Variants in PCDHGC3 observed in about 807,000 individuals in gnomAD.
The protein encoded by PCDHGC3 is protocadherin gamma-C3.
A neutral mutation model predicts 59.2 loss-of-function variants in PCDHGC3; 26 were observed. The ratio of observed to expected loss-of-function variants is 0.44; its 90% CI spans 0.32 to 0.61. The LOEUF is 0.61. Ranked by LOEUF, PCDHGC3 falls within the 20% of genes least tolerant of loss-of-function variation. The pLI is 0.05. For synonymous variants in PCDHGC3, 487 were observed against 519.7 expected, an observed-to-expected ratio of 0.94 and a Z score of 0.86; for missense variants, 1,080 against 1,221.8, an observed-to-expected ratio of 0.88 and a Z score of 1.73.
At chr5:141,510,682 GA>G (rs1303501817) in intron 3 of PCDHGC3, among the ~76,000 whole-genome samples, 6 of 152,154 alleles carry the variant, frequency 3.9e-5, no homozygotes, top group Non-Finnish European at 8.8e-5. Flanking sequence ...GTGGCATAAG[GA>G]GGTTAGGTAG....
At position 141,512,346 on chromosome 5, in the gene PCDHGC3, G is replaced by A. The variant is rs1391003897; in HGVS notation, c.*1173G>A. ...CAGGCCATTCTTAGTCCCTGGGTTG[G>A]GGAGGCAGGGAGCTAGGGCAGGGAC... On this transcript the variant is annotated 3_prime_UTR_variant, in exon 4 of 4. Transcript: ENST00000308177. 6.5e-6 allele frequency: 1 copy of A among 152,876 alleles called. No individual in the cohort carries two copies. Among genetic ancestry groups the A allele is most frequent in the Non-Finnish European group, 1.5e-5 (1 of 68,232 alleles). 9.5% of individuals were successfully genotyped at this position (152,876 alleles called of 1,614,324 possible). A position where few individuals can be genotyped will look rare whatever the true frequency, so the allele number is the denominator to read the frequency against.
At position 141,491,692 on chromosome 5, in the gene PCDHGC3, C is replaced by T. The variant is rs749349869; in HGVS notation, c.2431-3115C>T. On this transcript the variant is annotated intron_variant, in intron 1 of 3. Coordinates refer to ENST00000308177, the MANE Select transcript of PCDHGC3 (RefSeq NM_002588.4). This position sits in a 1 kb window ranked among gnomAD's most constrained non-coding sequence, Gnocchi z 6.9. ...GTCCCGCTCTAATACGCTGCGGGAG[C>T]GGAGCCAGGTGAGGGGCTCGGCGCC... is the stretch of plus-strand genomic sequence containing the variant. 1 of 1,612,594 alleles carries T rather than the reference C, an allele frequency of 6.2e-7. No homozygotes were observed. The highest frequency in any genetic ancestry group is 8.5e-7 in the Non-Finnish European group (1 of 1,179,340).
At chr5:141,507,084 T>G (rs2099858284) in intron 3 of PCDHGC3, 1 of 152,142 alleles carries the variant, frequency 6.6e-6, no homozygotes, top group African/African-American at 2.4e-5. Flanking sequence ...ACTCCTAAGT[T>G]TATGCTCTTT....
chr5:141,510,420 G>T (rs1275392355), intron 3 of PCDHGC3, among the ~76,000 whole-genome samples: 3 of 152,126 alleles, frequency 2.0e-5, no homozygotes, highest in African/African-American at 7.2e-5. Flanking sequence ...TAAAGCCATG[G>T]TTTCATGGCT....
intron 2 of PCDHGC3, among the ~76,000 whole-genome samples, chr5:141,495,685 T>TA (rs758775501): frequency 1.3e-5 from 2 of 152,210 alleles, no homozygotes; most frequent in African/African-American, 2.4e-5. Context: ...TGCCATGGCA[T>TA]AAGTGCTCAA....
intron 3 of PCDHGC3, among the ~76,000 whole-genome samples, chr5:141,507,856 A>T (rs1200072170): frequency 1.3e-5 from 2 of 151,926 alleles, no homozygotes; most frequent in Non-Finnish European, 2.9e-5. Flanking sequence ...TCTCACTTTC[A>T]CACCCGCTTC....
In PCDHGC3 at chr5:141,512,443, CCTT is replaced by C. The variant is rs1263805618; in HGVS notation, c.*1272_*1274del. On this transcript the variant is annotated 3_prime_UTR_variant, in exon 4 of 4. Coordinates refer to ENST00000308177, the MANE Select transcript of PCDHGC3 (RefSeq NM_002588.4). ...GCCCCTGCCCTCCTGAAGCCTCAGT[CCTT>C]CACCTTGCCAGGTGCCGTTTCTCTT... The C allele has an allele frequency of 1.3e-5, 2 of 152,896 alleles. No homozygotes were observed. The highest frequency in any genetic ancestry group is 4.8e-5 in the African/African-American group (2 of 41,468). 9.5% of individuals were successfully genotyped at this position (152,896 alleles called of 1,614,324 possible).
At chr5:141,483,224 G>A (rs530779494) in intron 1 of PCDHGC3, among the ~76,000 whole-genome samples, 17 of 152,242 alleles carry the variant, frequency 1.1e-4, no homozygotes, top group Middle Eastern at 3.4e-3. Flanking sequence ...AGTCACTGCA[G>A]AAATTTGAAC....
chr5:141,480,390 T>C (rs753766736), intron 1 of PCDHGC3, among the ~76,000 whole-genome samples: 14 of 151,350 alleles, frequency 9.3e-5, no homozygotes, highest in Non-Finnish European at 1.9e-4. Flanking sequence ...ACTTCAACCA[T>C]GGCAATAGAG....
chr5:141,477,582 A>T lies in PCDHGC3; in HGVS notation c.1466A>T (p.Asn489Ile), dbSNP rs567486170. The T allele has an allele frequency of 6.2e-7, 1 of 1,614,190 alleles. No individual in the cohort carries two copies. The highest frequency in any genetic ancestry group is 2.2e-5 in the East Asian group (1 of 44,888). ...LSVWDPDAPQ[N>I]ARLSFFLLEQ... ...GTCTGGGACCCCGACGCCCCGCAGA[A>T]TGCTCGGCTTTCTTTCTTTCTCTTG... Residue 489 changes from asparagine to isoleucine, a missense_variant, in exon 1 of 4, where the codon AAT becomes ATT. Transcript: ENST00000308177. The surrounding 1 kb of genome is among the most constrained non-coding windows in gnomAD (Gnocchi z 4.9).
chr5:141,494,306 T>G (rs1432951954), intron 1 of PCDHGC3, among the ~76,000 whole-genome samples: 1 of 152,212 alleles, frequency 6.6e-6, no homozygotes, highest in Non-Finnish European at 1.5e-5. Flanking sequence ...AATGTGTCAC[T>G]GCACAACCTG....
In PCDHGC3 at chr5:141,477,116, G is replaced by A. The variant is rs771557201; in HGVS notation, c.1000G>A (p.Ala334Thr). ...AGACAAGGGCGCCAATCCCGAAGGA[G>A]CACATTGCAAAGTGTTGGTGGAGGT... ...AKDKGANPEG[A>T]HCKVLVEVVD... Residue 334 changes from alanine to threonine, a missense_variant, in exon 1 of 4, where the codon GCA (alanine) becomes ACA (threonine). Physicochemically the swap from Ala to Thr is moderately conservative, Grantham distance 58. Transcript: ENST00000308177. This position sits in a 1 kb window ranked among gnomAD's most constrained non-coding sequence, Gnocchi z 4.9. 1 of 1,614,252 alleles carries A rather than the reference G, an allele frequency of 6.2e-7. No homozygotes were observed. The highest frequency in any genetic ancestry group is 8.5e-7 in the Non-Finnish European group (1 of 1,180,052).
Position 141,486,682 on chromosome 5 carries a change from A to C in PCDHGC3, c.2431-8125A>C, listed in dbSNP as rs781547951. 1.4e-5 allele frequency: 22 copies of C among 1,614,064 alleles called. No individual in the cohort carries two copies. The African/African-American group carries it at 2.3e-4, about 17-fold the overall frequency. ...TGGAGCCCAGGAATCGAGATGTATC[A>C]GCTTCCTCTTTCATCTCTCTGAACC... On this transcript the variant is annotated intron_variant, in intron 1 of 3. Coordinates refer to ENST00000308177, the MANE Select transcript of PCDHGC3 (RefSeq NM_002588.4). The surrounding 1 kb of genome is among the most constrained non-coding windows in gnomAD (Gnocchi z 5.0).
At chr5:141,478,940 T>C in intron 1 of PCDHGC3, 2 of 584,636 alleles carry the variant, frequency 3.4e-6, no homozygotes, top group South Asian at 2.7e-5. Flanking sequence ...CTTCTAGGAA[T>C]ACAAAAACTA....
chr5:141,491,450 C>G lies in PCDHGC3; in HGVS notation c.2431-3357C>G. ...CAGTGCTGCAGGCGCCAGGACTCAC[C>G]CTCCCCGGACTTCTATAAGCAGTCC... On this transcript the variant is annotated intron_variant, in intron 1 of 3. Transcript: ENST00000308177. The surrounding 1 kb of genome is among the most constrained non-coding windows in gnomAD (Gnocchi z 6.9). The G allele has an allele frequency of 1.2e-6, 2 of 1,614,110 alleles. No homozygotes were observed. Among genetic ancestry groups the G allele is most frequent in the Non-Finnish European group, 1.7e-6 (2 of 1,180,044 alleles).
rs2099670287 is a variant in PCDHGC3, at chr5:141,487,983, TC to T, written c.2431-6822del. Among the ~76,000 whole-genome samples, 3 of 152,290 alleles carry T rather than the reference TC, an allele frequency of 2.0e-5. No individual in the cohort carries two copies. The South Asian group carries it at 6.2e-4, about 32-fold the overall frequency. ...CAAAGGTGGCTGTTTTCTCTACTCT[TC>T]CTGAAAGAGGGGATCAGATTCTGAA... On this transcript the variant is annotated intron_variant, in intron 1 of 3. Coordinates refer to ENST00000308177, the MANE Select transcript of PCDHGC3 (RefSeq NM_002588.4). This position sits in a 1 kb window ranked among gnomAD's most constrained non-coding sequence, Gnocchi z 5.0.
chr5:141,506,061 G>A (rs1260513343), intron 3 of PCDHGC3, among the ~76,000 whole-genome samples: 2 of 152,144 alleles, frequency 1.3e-5, no homozygotes, highest in Non-Finnish European at 2.9e-5. Flanking sequence ...GGTTGACTAA[G>A]GGCTTCCTTT....
Position 141,512,040 on chromosome 5 carries a change from A to G in PCDHGC3, c.*867A>G, listed in dbSNP as rs775766584. 1.3e-5 allele frequency: 2 copies of G among 152,838 alleles called. No homozygotes were observed. The highest frequency in any genetic ancestry group is 2.9e-5 in the Non-Finnish European group (2 of 68,198). 9.5% of individuals were successfully genotyped at this position (152,838 alleles called of 1,614,324 possible). A position where few individuals can be genotyped will look rare whatever the true frequency, so the allele number is the denominator to read the frequency against. ...ATCAAGGCCTTGGAGGAGGCTCTGT[A>G]TGTCCTCAGGGGACTGACAACATCC... On this transcript the variant is annotated 3_prime_UTR_variant, in exon 4 of 4. Coordinates refer to ENST00000308177, the MANE Select transcript of PCDHGC3 (RefSeq NM_002588.4).
rs759146011 is a variant in PCDHGC3, at chr5:141,477,635, G to A, written c.1519G>A (p.Gly507Ser). 6.2e-7 allele frequency: 1 copy of A among 1,614,138 alleles called. No homozygotes were observed. The highest frequency in any genetic ancestry group is 8.5e-7 in the Non-Finnish European group (1 of 1,180,040). Residue 507 changes from glycine (G) to serine (S), a missense_variant, in exon 1 of 4, where the codon GGT becomes AGT. Coordinates refer to ENST00000308177, the MANE Select transcript of PCDHGC3 (RefSeq NM_002588.4). This position sits in a 1 kb window ranked among gnomAD's most constrained non-coding sequence, Gnocchi z 4.9. ...GCAAGGAGCTGAAACCGGGCTAGTG[G>A]GTCGCTATTTCACAATAAATCGTGA... ...LEQGAETGLVGRYFTINRDNG... is the reference protein window; with the variant it reads ...LEQGAETGLVSRYFTINRDNG...
Sources: gnomAD v4.1 joint callset for allele counts (sites outside exome capture counted in the v4.1 genomes callset) on GRCh38, gnomAD v4.1.1 for gene constraint, Gnocchi (gnomAD v3.1) non-coding constraint, MANE v1.5 for transcripts, NCBI Gene and HGNC (gene_info 2026-07-23, HGNC 2026-07-21) for gene names.